The following EPHB1 variants were observed in gnomAD, a reference collection of about 807,000 sequenced individuals.
EPHB1 encodes the protein EPH receptor B1.
A neutral mutation model predicts 94.4 loss-of-function variants in EPHB1; 30 were observed. The ratio of observed to expected loss-of-function variants is 0.32; its 90% confidence interval spans 0.24 to 0.43. The LOEUF (loss-of-function observed/expected upper bound fraction) is 0.43, where lower values mean the gene tolerates loss of function less well. Among genes scored for constraint, EPHB1 ranks in the 20% least tolerant of loss-of-function variants. The pLI is 1.00. For synonymous variants in EPHB1, 522 were observed against 489.1 expected, an observed-to-expected ratio of 1.07 and a Z score of -0.89; for missense variants, 1,055 against 1,308.3, an observed-to-expected ratio of 0.81 and a Z score of 2.99.
At chr3:135,189,691 G>A (rs1416933103) in intron 10 of EPHB1, among the ~76,000 whole-genome samples, 1 of 152,204 alleles carries the variant, frequency 6.6e-6, no homozygotes, top group Non-Finnish European at 1.5e-5. Context: ...ATTCCATTGG[G>A]CAGCCAACTT....
intron 3 of EPHB1, among the ~76,000 whole-genome samples, chr3:134,965,676 G>A (rs544917896): frequency 1.2e-4 from 18 of 152,220 alleles, no homozygotes; most frequent in South Asian, 8.3e-4. Context: ...TCAAAGGGTC[G>A]ACTACCCTTC....
intron 3 of EPHB1, among the ~76,000 whole-genome samples, chr3:134,983,255 A>G (rs1332922541): frequency 1.3e-5 from 2 of 152,206 alleles, no homozygotes; most frequent in African/African-American, 4.8e-5. Flanking sequence ...TGTGTGCATG[A>G]TCATGCATAT....
intron 3 of EPHB1, among the ~76,000 whole-genome samples, chr3:134,952,887 A>C (rs1472922684): frequency 6.6e-6 from 1 of 152,130 alleles, no homozygotes. Context: ...CCCTCAGCTT[A>C]TGCATTGTCT....
chr3:134,850,132 G>T (rs11928990), intron 1 of EPHB1, among the ~76,000 whole-genome samples: 3 of 152,052 alleles, frequency 2.0e-5, no homozygotes, highest in African/African-American at 7.2e-5. Flanking sequence ...TCTTTGGAGC[G>T]GCTTCTTTCT....
chr3:135,042,090 G>A (rs1363732195), intron 3 of EPHB1, among the ~76,000 whole-genome samples: 1 of 152,180 alleles, frequency 6.6e-6, no homozygotes, highest in East Asian at 1.9e-4. Context: ...CACTATGCCA[G>A]CTAATTTTTT....
At chr3:135,020,342 T>TTCATA (rs1935946302) in intron 3 of EPHB1, among the ~76,000 whole-genome samples, 1 of 152,198 alleles carries the variant, frequency 6.6e-6, no homozygotes, top group East Asian at 1.9e-4. Context: ...TTCATAGAGT[T>TTCATA]GTGCAACCAT....
At chr3:135,124,559 A>G (rs1387458855) in intron 4 of EPHB1, among the ~76,000 whole-genome samples, 1 of 151,704 alleles carries the variant, frequency 6.6e-6, no homozygotes, top group African/African-American at 2.4e-5. Context: ...TTGGTAGTCC[A>G]TTACAACACT....
intron 1 of EPHB1, among the ~76,000 whole-genome samples, chr3:134,866,423 C>T (rs1018647659): frequency 1.3e-5 from 2 of 152,196 alleles, no homozygotes; most frequent in African/African-American, 4.8e-5. Flanking sequence ...GAAAGCTGCC[C>T]AAAGGCCATG....
intron 12 of EPHB1, among the ~76,000 whole-genome samples, chr3:135,226,704 G>A (rs1943412346): frequency 6.6e-6 from 1 of 152,186 alleles, no homozygotes; most frequent in South Asian, 2.1e-4. Context: ...TGCAGGAGAA[G>A]GGGCTTATTG....
chr3:134,878,001 T>C (rs935644078), intron 1 of EPHB1, among the ~76,000 whole-genome samples: 4 of 152,108 alleles, frequency 2.6e-5, no homozygotes, highest in African/African-American at 9.7e-5. Flanking sequence ...GAGGGAAGGG[T>C]GGCTCCTCCT....
At chr3:135,047,934 A>T (rs1937049828) in intron 3 of EPHB1, among the ~76,000 whole-genome samples, 1 of 152,208 alleles carries the variant, frequency 6.6e-6, no homozygotes, top group African/African-American at 2.4e-5. Flanking sequence ...CCCAAATGTC[A>T]ATAGTGTCAA....
At chr3:135,149,306 A>G (rs1188389278) in intron 5 of EPHB1, among the ~76,000 whole-genome samples, 2 of 152,216 alleles carry the variant, frequency 1.3e-5, no homozygotes, top group Non-Finnish European at 2.9e-5. Flanking sequence ...GTGTTTGCCA[A>G]AAAGAGACTC....
chr3:135,047,350 G>A (rs1438064153), intron 3 of EPHB1, among the ~76,000 whole-genome samples: 1 of 152,228 alleles, frequency 6.6e-6, no homozygotes, highest in Non-Finnish European at 1.5e-5. Flanking sequence ...GAATGAATCA[G>A]TACCTTGGCA....
intron 1 of EPHB1, among the ~76,000 whole-genome samples, chr3:134,824,607 A>C (rs76828326): frequency 0.016 from 2,400 of 152,214 alleles, 37 homozygotes; most frequent in South Asian, 0.061. Context: ...TTAAGTATGG[A>C]TTGGACTTGA....
intron 2 of EPHB1, among the ~76,000 whole-genome samples, chr3:134,932,515 G>A (rs770873225): frequency 3.9e-5 from 6 of 152,172 alleles, no homozygotes; most frequent in Non-Finnish European, 7.4e-5. Flanking sequence ...TCAGGTCCTG[G>A]CATCAAATAA....
chr3:134,877,955 G>A lies in EPHB1; in HGVS notation c.59-47861G>A, dbSNP rs537279395. On this transcript the variant is annotated intron_variant, in intron 1 of 15. Transcript: ENST00000398015. ...ATCTGGCTGGCTTCCAGGTGAAGTC[G>A]GAGTGAATCCCACACAGTCCCTGGG... Among the ~76,000 whole-genome samples, 17 of 152,342 alleles carry A rather than the reference G, an allele frequency of 1.1e-4. 1 individual carries two copies. Among genetic ancestry groups the A allele is most frequent in the African/African-American group, 3.6e-4 (15 of 41,586 alleles).
chr3:135,047,809 G>A (rs1937046041), intron 3 of EPHB1, among the ~76,000 whole-genome samples: 1 of 152,112 alleles, frequency 6.6e-6, no homozygotes, highest in African/African-American at 2.4e-5. Context: ...GCCATGTCTG[G>A]AGACATTTTG....
intron 15 of EPHB1, among the ~76,000 whole-genome samples, chr3:135,254,751 C>T (rs1190535382): frequency 2.6e-5 from 4 of 151,924 alleles, no homozygotes; most frequent in African/African-American, 9.7e-5. Context: ...AGGGAGGATT[C>T]CCTCTTTTTC....
At chr3:135,147,567 A>G (rs538684655) in intron 5 of EPHB1, among the ~76,000 whole-genome samples, 78 of 152,340 alleles carry the variant, frequency 5.1e-4, no homozygotes, top group Non-Finnish European at 7.5e-4. Flanking sequence ...GGGCAGCAGC[A>G]TCACTCTGGG....
Sources: allele counts gnomAD v4.1 joint callset (sites outside exome capture counted in the v4.1 genomes callset), GRCh38; gene constraint gnomAD v4.1.1; transcripts MANE v1.5; gene names NCBI Gene and HGNC (gene_info 2026-07-23, HGNC 2026-07-21).